Variants in SLC35F3 observed in about 807,000 individuals in gnomAD.
SLC35F3 encodes the protein solute carrier family 35 member F3.
Under a neutral mutation model 49.9 loss-of-function variants are expected in SLC35F3, and 25 were observed. That is an observed-to-expected ratio of 0.50 (90% CI 0.37 to 0.70). SLC35F3 has a LOEUF of 0.70. Ranked by LOEUF, SLC35F3 falls within the 30% of genes least tolerant of loss-of-function variation. The pLI is 0.00. For missense variants in SLC35F3, 525 were observed against 639.8 expected (o/e 0.82, Z 1.94); for synonymous variants, 275 against 265.4 (o/e 1.04, Z -0.35).
intron 2 of SLC35F3, among the ~76,000 whole-genome samples, chr1:234,119,460 A>G (rs552978888): frequency 9.8e-5 from 15 of 152,318 alleles, no homozygotes; most frequent in Non-Finnish European, 1.5e-4. Context: ...AAAGTTTAAA[A>G]TAGCATGATG....
At chr1:233,952,881 G>T (rs909607549) in intron 2 of SLC35F3, among the ~76,000 whole-genome samples, 1 of 151,832 alleles carries the variant, frequency 6.6e-6, no homozygotes, top group Non-Finnish European at 1.5e-5. Flanking sequence ...CCCCCTCCCC[G>T]CCCCACAATT....
chr1:233,988,964 T>C (rs1173829065), intron 2 of SLC35F3, among the ~76,000 whole-genome samples: 1 of 152,228 alleles, frequency 6.6e-6, no homozygotes, highest in Non-Finnish European at 1.5e-5. Flanking sequence ...GATGATCCAC[T>C]GACATTAGAA....
At chr1:234,266,650 C>G (rs1400668211) in intron 3 of SLC35F3, among the ~76,000 whole-genome samples, 1 of 152,158 alleles carries the variant, frequency 6.6e-6, no homozygotes, top group African/African-American at 2.4e-5. Flanking sequence ...CTGCTGCACA[C>G]CTAGGCTATA....
At chr1:234,086,474 A>G (rs1397352786) in intron 2 of SLC35F3, among the ~76,000 whole-genome samples, 1 of 152,204 alleles carries the variant, frequency 6.6e-6, no homozygotes, top group Non-Finnish European at 1.5e-5. Context: ...AGAAAACTAT[A>G]TTTATTCATC....
chr1:234,048,933 C>T lies in SLC35F3; in HGVS notation c.283+143175C>T, dbSNP rs183988353. On this transcript the variant is annotated intron_variant, in intron 2 of 7. Transcript: ENST00000366618. Reference sequence around the variant, plus strand: ...TTGAAATGGGAATGTCTATCCTGTGCCTGTTTCTTCATTGCATTTTTGACA... The same window carrying T: ...TTGAAATGGGAATGTCTATCCTGTGTCTGTTTCTTCATTGCATTTTTGACA... 2.0e-5 allele frequency among the ~76,000 whole-genome samples: 3 copies of T among 152,276 alleles called. No homozygotes were observed. The East Asian group carries it at 5.8e-4, about 29-fold the overall frequency.
rs550550240 is a variant in SLC35F3, at chr1:233,995,029, A to C, written c.283+89271A>C. The stretch of plus-strand genomic sequence containing the variant: ...ATATTACATTTGTAAAAATAGAGTG[A>C]TCTACCTCATAGAGTCATTAGGAGG... On this transcript the variant is annotated intron_variant, in intron 2 of 7. Transcript: ENST00000366618. Among the ~76,000 whole-genome samples, 243 of 152,342 alleles carry C rather than the reference A, an allele frequency of 1.6e-3. 1 individual carries two copies. Among genetic ancestry groups the C allele is most frequent in the African/African-American group, 5.5e-3 (228 of 41,590 alleles).
chr1:234,233,200 C>T (rs897979971), intron 3 of SLC35F3, among the ~76,000 whole-genome samples: 1 of 152,136 alleles, frequency 6.6e-6, no homozygotes, highest in South Asian at 2.1e-4. Context: ...GTAAAATAGT[C>T]CCAGAGAAAA....
intron 2 of SLC35F3, among the ~76,000 whole-genome samples, chr1:233,965,983 G>A (rs771728343): frequency 1.3e-5 from 2 of 152,188 alleles, no homozygotes; most frequent in Admixed American, 1.3e-4. Context: ...GGTCTGTGAG[G>A]TGAAATCTCC....
intron 2 of SLC35F3, among the ~76,000 whole-genome samples, chr1:233,933,521 G>A (rs76504597): frequency 0.1 from 15,353 of 151,982 alleles, 937 homozygotes; most frequent in East Asian, 0.14. Context: ...GAACTCAGAT[G>A]AGGACTCTGG....
At chr1:234,023,659 A>G (rs1663933214) in intron 2 of SLC35F3, among the ~76,000 whole-genome samples, 1 of 152,126 alleles carries the variant, frequency 6.6e-6, no homozygotes, top group Admixed American at 6.5e-5. Context: ...GTAACTTAAC[A>G]GTGGAGAAAC....
At chr1:233,960,103 C>G (rs1039813102) in intron 2 of SLC35F3, among the ~76,000 whole-genome samples, 1 of 152,198 alleles carries the variant, frequency 6.6e-6, no homozygotes, top group Admixed American at 6.5e-5. Flanking sequence ...AGATCCCGAC[C>G]TGTCTGTCTA....
At chr1:234,307,726 T>C (rs1458324911) in intron 3 of SLC35F3, among the ~76,000 whole-genome samples, 1 of 152,238 alleles carries the variant, frequency 6.6e-6, no homozygotes, top group Non-Finnish European at 1.5e-5. Flanking sequence ...GCTGACTCCC[T>C]TCCTGGCTGG....
chr1:234,218,612 C>T (rs1489925780), intron 2 of SLC35F3, among the ~76,000 whole-genome samples: 2 of 152,148 alleles, frequency 1.3e-5, no homozygotes, highest in Non-Finnish European at 2.9e-5. Context: ...TCAGAAAACT[C>T]ATTCACGAAG....
At chr1:233,945,438 C>T (rs760557901) in intron 2 of SLC35F3, among the ~76,000 whole-genome samples, 3 of 152,136 alleles carry the variant, frequency 2.0e-5, no homozygotes, top group Non-Finnish European at 4.4e-5. Context: ...AACTGTTCTT[C>T]CACAAGGATG....
intron 2 of SLC35F3, among the ~76,000 whole-genome samples, chr1:234,092,844 G>A (rs1665064362): frequency 6.6e-6 from 1 of 152,142 alleles, no homozygotes; most frequent in East Asian, 1.9e-4. Flanking sequence ...CTCCAGCCTG[G>A]ATGACAGAGC....
intron 2 of SLC35F3, among the ~76,000 whole-genome samples, chr1:233,988,953 A>T (rs1481185376): frequency 6.6e-6 from 1 of 152,236 alleles, no homozygotes; most frequent in African/African-American, 2.4e-5. Flanking sequence ...AAGAATGGAC[A>T]GATGATCCAC....
chr1:234,319,009 A>G (rs1440050370), intron 6 of SLC35F3, 66 bp downstream of exon 6: 1 of 1,379,046 alleles, frequency 7.3e-7, no homozygotes, highest in Non-Finnish European at 1.0e-6. Context: ...CTCAGGAAAC[A>G]TGTTCCCTGA....
At chr1:234,210,480 A>T (rs1667032626) in intron 2 of SLC35F3, among the ~76,000 whole-genome samples, 1 of 152,196 alleles carries the variant, frequency 6.6e-6, no homozygotes, top group South Asian at 2.1e-4. Context: ...TTTGCCCAAA[A>T]TGCTGATAGC....
chr1:234,237,582 C>T (rs583996), intron 3 of SLC35F3, among the ~76,000 whole-genome samples: 18,775 of 152,156 alleles, frequency 0.12, 1,277 homozygotes, highest in Middle Eastern at 0.23. Context: ...TGATGCATTT[C>T]TTACCCTGAA....
Sources: gnomAD v4.1 joint callset for allele counts (sites outside exome capture counted in the v4.1 genomes callset) on GRCh38, gnomAD v4.1.1 for gene constraint, MANE v1.5 for transcripts, NCBI Gene and HGNC (gene_info 2026-07-23, HGNC 2026-07-21) for gene names.